Variants in NIPBL observed in about 807,000 individuals in gnomAD.
NIPBL encodes the protein NIPBL cohesin loading factor, also known as nipped-B-like protein.
Under a neutral mutation model 321.8 loss-of-function variants are expected in NIPBL, and 19 were observed. The observed-to-expected ratio is 0.06, with a 90% CI of 0.04 to 0.09. NIPBL has a LOEUF of 0.09. Among genes scored for constraint, NIPBL ranks in the 10% least tolerant of loss-of-function variants. The pLI, the probability that NIPBL is intolerant of heterozygous loss-of-function variation, is 1.00. For missense variants in NIPBL, 2,210 were observed against 3,327.0 expected (o/e 0.66, Z 8.26); for synonymous variants, 1,106 against 1,114.1 (o/e 0.99, Z 0.14).
chr5:36,892,802 T>G (rs1419906216), intron 1 of NIPBL, among the ~76,000 whole-genome samples: 9 of 145,156 alleles, frequency 6.2e-5, no homozygotes, highest in African/African-American at 1.5e-4. Context: ...GTGGGGGGAG[T>G]GGGGAGGGAT....
In NIPBL at chr5:36,985,853, C is replaced by T. The variant is rs376637245; in HGVS notation, c.2673C>T (p.Asp891=). 3.3e-5 allele frequency: 53 copies of T among 1,613,718 alleles called. No individual in the cohort carries two copies. The African/African-American group carries it at 4.4e-4, about 13-fold the overall frequency. Residue 891 remains aspartate, a synonymous_variant, in exon 10 of 47, where the codon GAC becomes GAT. Transcript: ENST00000282516. ...CTGGGGAACAAAAATCAAGACCTGA[C>T]AGTCCTCGTGTTAAACAAGGAGATT... ...PSSGEQKSRP[D]SPRVKQGDSN...
chr5:36,992,359 T>G (rs1455981376), intron 10 of NIPBL, among the ~76,000 whole-genome samples: 1 of 152,152 alleles, frequency 6.6e-6, no homozygotes, highest in Non-Finnish European at 1.5e-5. Flanking sequence ...CTAAAATACA[T>G]CATCATATAC....
chr5:37,064,061 A>G (rs1001498460), intron 46 of NIPBL, 83 bp downstream of exon 46: 2 of 1,551,512 alleles, frequency 1.3e-6, no homozygotes, highest in Non-Finnish European at 1.7e-6. Context: ...AGTCTATTAA[A>G]TGTACACCAA....
chr5:37,058,113 A>C (rs1212920003), intron 43 of NIPBL, among the ~76,000 whole-genome samples: 1 of 152,240 alleles, frequency 6.6e-6, no homozygotes, highest in Non-Finnish European at 1.5e-5. Flanking sequence ...CACCAGCAGC[A>C]GTGGTTTCAC....
chr5:37,064,264 T>G (rs1198035653), intron 46 of NIPBL: 2 of 1,367,742 alleles, frequency 1.5e-6, no homozygotes, highest in South Asian at 1.7e-5. Context: ...AAGTTTTATG[T>G]AGCTATATGG....
rs1211812306 is a variant in NIPBL, at chr5:37,048,554, T to C, written c.6642T>C (p.Asn2214=). The C allele has an allele frequency of 6.3e-7, 1 of 1,587,244 alleles. No individual in the cohort carries two copies. Among genetic ancestry groups the C allele is most frequent in the African/African-American group, 1.3e-5 (1 of 74,148 alleles). The stretch of plus-strand genomic sequence containing the variant: ...TAATGTTCGAGCAAGAAGTGAAGAA[T>C]CTATATAATAATATTTTATCTGATA... The part of the protein sequence containing the change: ...PSLMFEQEVK[N]LYNNILSDKN... The change falls in exon 39 of 47, where the codon AAT becomes AAC. Residue 2214 remains asparagine, a synonymous_variant. Transcript: ENST00000282516.
At chr5:37,056,167 T>TAG (rs1754071338) in intron 42 of NIPBL, among the ~76,000 whole-genome samples, 1 of 152,140 alleles carries the variant, frequency 6.6e-6, no homozygotes, top group Non-Finnish European at 1.5e-5. Context: ...GAGGTAGGGT[T>TAG]TTATGTCTAC....
chr5:36,930,565 T>A (rs2149571271), intron 1 of NIPBL, among the ~76,000 whole-genome samples: 1 of 152,232 alleles, frequency 6.6e-6, no homozygotes, highest in African/African-American at 2.4e-5. Flanking sequence ...TTAAAATGTG[T>A]TACTTTTTGG....
chr5:36,938,383 A>G (rs1346152153), intron 1 of NIPBL, among the ~76,000 whole-genome samples: 1 of 152,092 alleles, frequency 6.6e-6, no homozygotes, highest in East Asian at 1.9e-4. Context: ...TGAGAAAGGG[A>G]AAGACGAGGA....
intron 10 of NIPBL, among the ~76,000 whole-genome samples, chr5:36,990,027 A>G (rs1357687457): frequency 2.6e-5 from 4 of 151,356 alleles, no homozygotes; most frequent in Admixed American, 6.6e-5. Flanking sequence ...CTCTCCCCCT[A>G]CTTCTTTCCA....
intron 1 of NIPBL, among the ~76,000 whole-genome samples, chr5:36,904,774 C>CTG (rs1191580432): frequency 1.3e-5 from 2 of 152,158 alleles, no homozygotes; most frequent in Non-Finnish European, 2.9e-5. Context: ...TTCTTGCCAC[C>CTG]TGTGTCTCAC....
At chr5:36,958,308 G>A (rs937596769) in intron 4 of NIPBL, 77 bp downstream of exon 4, 86 of 1,465,764 alleles carry the variant, frequency 5.9e-5, no homozygotes, top group Non-Finnish European at 7.8e-5. Context: ...TCTTTAACAA[G>A]CTGGCCTATC....
At chr5:37,046,744 G>A (rs959011663) in intron 38 of NIPBL, among the ~76,000 whole-genome samples, 2 of 152,086 alleles carry the variant, frequency 1.3e-5, no homozygotes, top group Non-Finnish European at 2.9e-5. Context: ...AACATGTTTT[G>A]CAATTGTTAG....
intron 5 of NIPBL, 139 bp from the exon 6 acceptor site, chr5:36,961,984 A>G (rs1741677343): frequency 5.2e-6 from 5 of 962,718 alleles, no homozygotes; most frequent in Non-Finnish European, 4.7e-6. Flanking sequence ...TTATTTGACT[A>G]TTTTGCAAGA....
At position 37,019,416 on chromosome 5, in the gene NIPBL, CCT is replaced by C. The variant is rs777216444; in HGVS notation, c.5010+17_5010+18del. ...TTCACTAGTGGTAGGATTCTTTTCCCCTGTTTTGGAGATACTACATGTTTATT... is the reference window on the plus strand; with the variant it reads ...TTCACTAGTGGTAGGATTCTTTTCCCGTTTTGGAGATACTACATGTTTATT... On this transcript the variant is annotated intron_variant, in intron 25 of 46. Coordinates refer to ENST00000282516, the MANE Select transcript of NIPBL (RefSeq NM_133433.4). 1 of 1,583,512 alleles carries C rather than the reference CCT, an allele frequency of 6.3e-7. No homozygotes were observed. The highest frequency in any genetic ancestry group is 1.1e-5 in the South Asian group (1 of 90,410).
intron 16 of NIPBL, 40 bp downstream of exon 16, chr5:37,003,387 T>A: frequency 8.1e-7 from 1 of 1,232,788 alleles, no homozygotes; most frequent in Non-Finnish European, 1.2e-6. Context: ...ACCCTTAATG[T>A]TATTAAGATC....
chr5:36,889,535 A>G (rs1746162883), intron 1 of NIPBL, among the ~76,000 whole-genome samples: 4 of 152,172 alleles, frequency 2.6e-5, no homozygotes, highest in Admixed American at 6.5e-5. Context: ...CCGTATTCAT[A>G]TGAGGATGTC....
intron 21 of NIPBL, among the ~76,000 whole-genome samples, chr5:37,014,234 G>A (rs188634605): frequency 7.1e-4 from 105 of 146,930 alleles, no homozygotes; most frequent in Middle Eastern, 7.4e-3. Flanking sequence ...GAGGGAGAGG[G>A]AGAGGGAGAA....
intron 42 of NIPBL, 23 bp from the exon 43 acceptor site, chr5:37,057,163 G>T: frequency 6.2e-7 from 1 of 1,611,606 alleles, no homozygotes. Flanking sequence ...CTAAACATGT[G>T]TGCTTTTTCT....
Sources: gnomAD v4.1 joint callset for allele counts (sites outside exome capture counted in the v4.1 genomes callset) on GRCh38, gnomAD v4.1.1 for gene constraint, MANE v1.5 for transcripts, NCBI Gene and HGNC (gene_info 2026-07-23, HGNC 2026-07-21) for gene names.